The following CCSER1 variants were observed in gnomAD, a reference collection of about 807,000 sequenced individuals.
CCSER1 encodes the protein coiled-coil serine rich protein 1.
CCSER1 carries 41 observed loss-of-function variants against 82.0 expected under a neutral mutation model. That is an observed-to-expected ratio of 0.50 (90% CI 0.39 to 0.65). CCSER1 has a LOEUF of 0.65. CCSER1 is among the 30% of genes least tolerant of loss of function. CCSER1 has a pLI of 0.00. For missense variants in CCSER1, 1,119 were observed against 1,064.2 expected (o/e 1.05, Z -0.72); for synonymous variants, 414 against 383.9 (o/e 1.08, Z -0.92).
chr4:91,150,373 CTT>C (rs1274444532), intron 10 of CCSER1, among the ~76,000 whole-genome samples: 2 of 152,078 alleles, frequency 1.3e-5, no homozygotes, highest in Non-Finnish European at 2.9e-5. Context: ...CTTAAAGAGA[CTT>C]TGGGCTGGGA....
At chr4:90,347,450 G>T (rs1384099107) in intron 3 of CCSER1, among the ~76,000 whole-genome samples, 2 of 152,072 alleles carry the variant, frequency 1.3e-5, no homozygotes, top group Non-Finnish European at 2.9e-5. Context: ...TTTGGCAGGT[G>T]GAGCTATCCA....
At chr4:90,166,973 G>C (rs895188328) in intron 1 of CCSER1, among the ~76,000 whole-genome samples, 4 of 151,850 alleles carry the variant, frequency 2.6e-5, no homozygotes, top group Non-Finnish European at 5.9e-5. Flanking sequence ...CTTGTTGGAA[G>C]TATCAATTTA....
intron 9 of CCSER1, among the ~76,000 whole-genome samples, chr4:90,952,226 G>C (rs988666034): frequency 6.6e-6 from 1 of 151,856 alleles, no homozygotes; most frequent in Non-Finnish European, 1.5e-5. Context: ...GAGAGGAAAG[G>C]TAAAAAAATA....
chr4:90,175,760 T>C (rs1351051481), intron 1 of CCSER1, among the ~76,000 whole-genome samples: 1 of 152,012 alleles, frequency 6.6e-6, no homozygotes, highest in Non-Finnish European at 1.5e-5. Context: ...GTAGGTCAGT[T>C]ATCTGTCAAG....
chr4:91,335,181 G>A (rs573614905), intron 10 of CCSER1, among the ~76,000 whole-genome samples: 18 of 152,146 alleles, frequency 1.2e-4, no homozygotes, highest in Non-Finnish European at 2.4e-4. Flanking sequence ...AGCATCTCAA[G>A]TAAGGGAGGA....
At chr4:90,728,162 A>G (rs79121404) in intron 7 of CCSER1, among the ~76,000 whole-genome samples, 2,712 of 152,276 alleles carry the variant, frequency 0.018, 65 homozygotes, top group African/African-American at 0.056. Flanking sequence ...GGAATGCACA[A>G]TGGCACCACC....
At chr4:90,881,854 CCT>C (rs1411043871) in intron 8 of CCSER1, among the ~76,000 whole-genome samples, 3 of 150,710 alleles carry the variant, frequency 2.0e-5, no homozygotes, top group Non-Finnish European at 4.5e-5. Flanking sequence ...CTACTCTTCC[CCT>C]GTCTATTCCA....
chr4:90,613,718 A>G (rs1720680079), intron 5 of CCSER1, among the ~76,000 whole-genome samples: 1 of 152,200 alleles, frequency 6.6e-6, no homozygotes, highest in African/African-American at 2.4e-5. Flanking sequence ...GAGAAGAGTA[A>G]GGAGTTTCTC....
intron 10 of CCSER1, among the ~76,000 whole-genome samples, chr4:91,349,118 A>G (rs1748284643): frequency 6.6e-6 from 1 of 152,112 alleles, no homozygotes; most frequent in African/African-American, 2.4e-5. Context: ...CGTGTTAGCC[A>G]GGATGGTCTT....
chr4:90,225,086 A>C (rs914965952), intron 1 of CCSER1, among the ~76,000 whole-genome samples: 46 of 150,680 alleles, frequency 3.1e-4, no homozygotes, highest in African/African-American at 1.1e-3. Context: ...TATTTTTGAG[A>C]CAGTTTTCAC....
chr4:90,326,652 ATG>A (rs1561034519), intron 3 of CCSER1, among the ~76,000 whole-genome samples: 1 of 152,198 alleles, frequency 6.6e-6, no homozygotes, highest in Non-Finnish European at 1.5e-5. Flanking sequence ...TGATTAATTT[ATG>A]TGTCAGTGAG....
chr4:90,466,838 A>G (rs1763709673), intron 4 of CCSER1, among the ~76,000 whole-genome samples: 1 of 152,256 alleles, frequency 6.6e-6, no homozygotes, highest in African/African-American at 2.4e-5. Context: ...ACTATATCCT[A>G]GAAACGATTA....
intron 7 of CCSER1, among the ~76,000 whole-genome samples, chr4:90,795,605 C>T (rs1182604772): frequency 6.6e-6 from 1 of 152,144 alleles, no homozygotes; most frequent in Non-Finnish European, 1.5e-5. Context: ...AGCTTTTGCC[C>T]ATTCAGTGTA....
intron 10 of CCSER1, among the ~76,000 whole-genome samples, chr4:91,355,328 C>T (rs183854388): frequency 9.2e-5 from 14 of 152,110 alleles, no homozygotes; most frequent in African/African-American, 3.1e-4. Flanking sequence ...CCTCTTTCTT[C>T]TGTTCTAGCT....
intron 10 of CCSER1, among the ~76,000 whole-genome samples, chr4:91,397,637 ATTGT>A (rs1323276112): frequency 1.3e-5 from 2 of 152,054 alleles, no homozygotes; most frequent in African/African-American, 4.8e-5. Context: ...ATGAGAAAAC[ATTGT>A]TTGTATGAGA....
chr4:90,978,104 C>T (rs1735775687), intron 9 of CCSER1, among the ~76,000 whole-genome samples: 1 of 151,524 alleles, frequency 6.6e-6, no homozygotes, highest in African/African-American at 2.4e-5. Context: ...TGGATATTTT[C>T]AAATATTTTC....
At chr4:90,851,749 T>G (rs924090011) in intron 8 of CCSER1, among the ~76,000 whole-genome samples, 4 of 152,166 alleles carry the variant, frequency 2.6e-5, no homozygotes, top group Non-Finnish European at 4.4e-5. Flanking sequence ...GATCTTTAAC[T>G]GTGGACACTG....
At chr4:91,391,342 C>T (rs370675203) in intron 10 of CCSER1, among the ~76,000 whole-genome samples, 13 of 152,090 alleles carry the variant, frequency 8.5e-5, no homozygotes, top group African/African-American at 1.9e-4. Flanking sequence ...ACTCTGTCAC[C>T]CAGGCTAGAA....
At chr4:90,469,896 A>G (rs1255781963) in intron 5 of CCSER1, among the ~76,000 whole-genome samples, 1 of 152,146 alleles carries the variant, frequency 6.6e-6, no homozygotes, top group Non-Finnish European at 1.5e-5. Context: ...AGATTTTGCA[A>G]TATTTGTATT....
Sources: allele counts gnomAD v4.1 joint callset (sites outside exome capture counted in the v4.1 genomes callset), GRCh38; gene constraint gnomAD v4.1.1; transcripts MANE v1.5; gene names NCBI Gene and HGNC (gene_info 2026-07-23, HGNC 2026-07-21).